The following SLC25A48 variants were observed in gnomAD, a reference collection of about 807,000 sequenced individuals.
The protein encoded by SLC25A48 is solute carrier family 25 member 48, also known as CTC-321K16.1.
In SLC25A48, 29 loss-of-function variants were observed where a neutral mutation model predicts 32.2. The ratio of observed to expected loss-of-function variants is 0.90; its 90% CI spans 0.67 to 1.23. The LOEUF is 1.23. Ranked by LOEUF, SLC25A48 falls within the 50% of genes most tolerant of loss-of-function variation. SLC25A48 has a pLI of 0.00. For synonymous variants in SLC25A48, 164 were observed against 172.3 expected, an observed-to-expected ratio of 0.95 and a Z score of 0.38; for missense variants, 399 against 422.7, an observed-to-expected ratio of 0.94 and a Z score of 0.49.
intron 3 of SLC25A48, among the ~76,000 whole-genome samples, chr5:135,636,546 A>G (rs574226598): frequency 4.6e-5 from 7 of 152,360 alleles, no homozygotes; most frequent in African/African-American, 1.7e-4. Context: ...TTCTAAGAGC[A>G]GAGAACACCT....
intron 4 of SLC25A48, among the ~76,000 whole-genome samples, chr5:135,829,172 G>A (rs945534068): frequency 6.6e-6 from 1 of 152,218 alleles, no homozygotes; most frequent in Non-Finnish European, 1.5e-5. Flanking sequence ...TGGCTCTTCT[G>A]TCACTGTCAG....
intron 3 of SLC25A48, among the ~76,000 whole-genome samples, chr5:135,695,389 G>A (rs1754241975): frequency 6.6e-6 from 1 of 152,260 alleles, no homozygotes; most frequent in Non-Finnish European, 1.5e-5. Context: ...CACAGAGTCT[G>A]TTCTCAATAA....
chr5:135,706,121 C>T (rs6881918), intron 3 of SLC25A48, among the ~76,000 whole-genome samples: 33,576 of 152,142 alleles, frequency 0.22, 3,714 homozygotes, highest in East Asian at 0.29. Flanking sequence ...CGCCCCACTG[C>T]GCCCTTTACA....
At chr5:135,734,759 G>A (rs1229238050) in intron 3 of SLC25A48, among the ~76,000 whole-genome samples, 1 of 150,998 alleles carries the variant, frequency 6.6e-6, no homozygotes, top group African/African-American at 2.4e-5. Context: ...GGAGCTTGCA[G>A]TGAGCTGAGA....
chr5:135,774,824 A>C (rs4505942), intron 3 of SLC25A48, among the ~76,000 whole-genome samples: 45,811 of 151,248 alleles, frequency 0.3, 7,084 homozygotes, highest in East Asian at 0.46. Flanking sequence ...GGGTGTACAC[A>C]CCCCTGTGAT....
chr5:135,636,384 A>G (rs1307260878), intron 3 of SLC25A48, among the ~76,000 whole-genome samples: 1 of 152,224 alleles, frequency 6.6e-6, no homozygotes, highest in Non-Finnish European at 1.5e-5. Flanking sequence ...GGAGGTCTCC[A>G]GTTGTAGAAA....
intron 3 of SLC25A48, among the ~76,000 whole-genome samples, chr5:135,654,670 A>G (rs893242576): frequency 6.6e-6 from 1 of 152,344 alleles, no homozygotes; most frequent in Non-Finnish European, 1.5e-5. Flanking sequence ...ATCAAACACA[A>G]ATCTAGATGT....
chr5:135,811,625 A>G (rs1405111644), intron 3 of SLC25A48, among the ~76,000 whole-genome samples: 1 of 152,224 alleles, frequency 6.6e-6, no homozygotes, highest in Non-Finnish European at 1.5e-5. Flanking sequence ...TAAAATATAC[A>G]TGTAATTTCA....
chr5:135,661,751 C>G (rs574893680), intron 3 of SLC25A48, among the ~76,000 whole-genome samples: 9 of 152,298 alleles, frequency 5.9e-5, no homozygotes, highest in Admixed American at 4.6e-4. Flanking sequence ...ACTACTTCAA[C>G]TTGCTTTTCT....
At chr5:135,612,621 A>G (rs1752099933) in intron 1 of SLC25A48, among the ~76,000 whole-genome samples, 2 of 152,140 alleles carry the variant, frequency 1.3e-5, no homozygotes, top group African/African-American at 2.4e-5. Context: ...GCTCCCACGT[A>G]TGAGTAAGAA....
chr5:135,795,343 G>T (rs1757141995), intron 3 of SLC25A48, among the ~76,000 whole-genome samples: 1 of 151,758 alleles, frequency 6.6e-6, no homozygotes, highest in Non-Finnish European at 1.5e-5. Flanking sequence ...CACCCCCCAT[G>T]ATATTATTCC....
intron 7 of SLC25A48, among the ~76,000 whole-genome samples, chr5:135,885,384 G>A (rs1179113145): frequency 6.6e-6 from 1 of 152,148 alleles, no homozygotes; most frequent in African/African-American, 2.4e-5. Context: ...CTGCCTCTAT[G>A]CTTTTCTTTA....
At chr5:135,868,526 T>C (rs1420520509) in intron 4 of SLC25A48, among the ~76,000 whole-genome samples, 1 of 152,190 alleles carries the variant, frequency 6.6e-6, no homozygotes, top group Non-Finnish European at 1.5e-5. Flanking sequence ...TATAGTTATA[T>C]AAGACAATAT....
intron 1 of SLC25A48, among the ~76,000 whole-genome samples, chr5:135,584,803 A>G (rs1370539737): frequency 6.6e-6 from 1 of 152,260 alleles, no homozygotes; most frequent in Admixed American, 6.5e-5. Flanking sequence ...GAAAAAACAC[A>G]AGGTTGTGTA....
chr5:135,640,532 A>G (rs888700103), intron 3 of SLC25A48, among the ~76,000 whole-genome samples: 14 of 152,164 alleles, frequency 9.2e-5, no homozygotes, highest in Admixed American at 6.5e-5. Context: ...ACAAAATATT[A>G]TACAAGAGGA....
chr5:135,778,290 C>T (rs1305732939), intron 3 of SLC25A48, among the ~76,000 whole-genome samples: 1 of 151,622 alleles, frequency 6.6e-6, no homozygotes, highest in African/African-American at 2.4e-5. Context: ...AGGAGGTGTA[C>T]ACCCCTCTGT....
In SLC25A48 at chr5:135,834,799, C is replaced by G; in HGVS notation, c.-49C>G. 6.5e-7 allele frequency: 1 copy of G among 1,544,448 alleles called. No individual in the cohort carries two copies. The highest frequency in any genetic ancestry group is 8.7e-7 in the Non-Finnish European group (1 of 1,144,160). ...GCCCGCGGGCCATGCCCCACTGACTCTAAGTGGGCACTGCCCCGGCTCCGG... is the reference window on the plus strand; with the variant it reads ...GCCCGCGGGCCATGCCCCACTGACTGTAAGTGGGCACTGCCCCGGCTCCGG... On this transcript the variant is annotated 5_prime_UTR_variant, in exon 1 of 8. Coordinates refer to ENST00000681962, the MANE Select transcript of SLC25A48 (RefSeq NM_001349336.2).
chr5:135,613,512 C>A (rs1752119637), intron 1 of SLC25A48, among the ~76,000 whole-genome samples: 2 of 152,104 alleles, frequency 1.3e-5, no homozygotes, highest in South Asian at 4.2e-4. Flanking sequence ...GGGCCAAAGT[C>A]CTGAAGTGTT....
At chr5:135,737,047 T>A (rs1423899048) in intron 3 of SLC25A48, among the ~76,000 whole-genome samples, 1 of 152,144 alleles carries the variant, frequency 6.6e-6, no homozygotes, top group African/African-American at 2.4e-5. Context: ...AGAGGATTGA[T>A]CTCCCGAGGG....
Sources: gnomAD v4.1 joint callset for allele counts (sites outside exome capture counted in the v4.1 genomes callset) on GRCh38, gnomAD v4.1.1 for gene constraint, MANE v1.5 for transcripts, NCBI Gene and HGNC (gene_info 2026-07-23, HGNC 2026-07-21) for gene names.